GRIN2A: variants seen among roughly 807,000 people sequenced by gnomAD.
GRIN2A encodes the protein glutamate receptor ionotropic, NMDA 2A.
GRIN2A carries 22 observed loss-of-function variants against 113.4 expected under a neutral mutation model. The observed-to-expected ratio is 0.19, with a 90% CI of 0.14 to 0.28. GRIN2A has a LOEUF of 0.28. Among genes scored for constraint, GRIN2A ranks in the 10% least tolerant of loss-of-function variants. The pLI, the probability that GRIN2A is intolerant of heterozygous loss-of-function variation, is 1.00. For synonymous variants in GRIN2A, 827 were observed against 738.4 expected, an observed-to-expected ratio of 1.12 and a Z score of -1.94; for missense variants, 1,502 against 1,887.0, an observed-to-expected ratio of 0.80 and a Z score of 3.78.
intron 2 of GRIN2A, among the ~76,000 whole-genome samples, chr16:10,032,210 A>G (rs927469818): frequency 5.9e-5 from 9 of 152,256 alleles, no homozygotes; most frequent in Non-Finnish European, 8.8e-5. Context: ...ATAACTAAAG[A>G]GCTGTGACCT....
At chr16:10,098,411 T>C (rs2048334831) in intron 2 of GRIN2A, among the ~76,000 whole-genome samples, 1 of 152,172 alleles carries the variant, frequency 6.6e-6, no homozygotes, top group Non-Finnish European at 1.5e-5. Context: ...CTTAAATAAC[T>C]AAAAGGAGAA....
intron 2 of GRIN2A, among the ~76,000 whole-genome samples, chr16:10,086,389 C>T (rs1351736960): frequency 6.6e-6 from 1 of 152,066 alleles, no homozygotes; most frequent in East Asian, 1.9e-4. Context: ...TCTAGATCTT[C>T]TCACTTCCCC....
intron 4 of GRIN2A, among the ~76,000 whole-genome samples, chr16:9,874,984 G>A (rs1338739165): frequency 2.0e-5 from 3 of 151,676 alleles, no homozygotes; most frequent in Non-Finnish European, 4.4e-5. Flanking sequence ...GCTACTTGAG[G>A]GGCAGAGGCT....
At chr16:10,113,078 C>A (rs1001900038) in intron 2 of GRIN2A, among the ~76,000 whole-genome samples, 3 of 149,506 alleles carry the variant, frequency 2.0e-5, no homozygotes, top group Admixed American at 6.6e-5. Context: ...CGGGCCTGCT[C>A]CCTGGGCCAG....
intron 11 of GRIN2A, among the ~76,000 whole-genome samples, chr16:9,792,106 T>C (rs1184895280): frequency 1.6e-5 from 1 of 61,750 alleles, no homozygotes; most frequent in Non-Finnish European, 3.2e-5. Context: ...TGTGTGTGTG[T>C]GTATCTTTCA....
rs1339281920 is a variant in GRIN2A, at chr16:9,768,831, T to C, written c.2595+20A>G. ...TAAACCTGCTTGCAGTGCAAGAAAG[T>C]AGCCACCCGGTGTACTGACCCTGCT... On this transcript the variant is annotated intron_variant, in intron 12 of 12. Coordinates refer to ENST00000330684, the MANE Select transcript of GRIN2A (RefSeq NM_001134407.3). 1.3e-6 allele frequency: 2 copies of C among 1,557,872 alleles called. No homozygotes were observed. Among genetic ancestry groups the C allele is most frequent in the African/African-American group, 1.4e-5 (1 of 73,670 alleles).
chr16:9,779,280 G>C (rs976067747), intron 11 of GRIN2A, among the ~76,000 whole-genome samples: 1 of 152,222 alleles, frequency 6.6e-6, no homozygotes, highest in Non-Finnish European at 1.5e-5. Context: ...CCTATGCTGT[G>C]TTGCTCAGTT....
chr16:10,024,496 G>A (rs961661020), intron 2 of GRIN2A, among the ~76,000 whole-genome samples: 2 of 152,216 alleles, frequency 1.3e-5, no homozygotes, highest in Non-Finnish European at 2.9e-5. Context: ...GGAATTACAG[G>A]CGTGAGCCAA....
chr16:9,876,502 T>C (rs2043369052), intron 4 of GRIN2A, among the ~76,000 whole-genome samples: 1 of 152,170 alleles, frequency 6.6e-6, no homozygotes, highest in East Asian at 1.9e-4. Flanking sequence ...AGCGTTGGCC[T>C]CCTGGACCCA....
intron 2 of GRIN2A, among the ~76,000 whole-genome samples, chr16:10,062,319 A>G (rs963805075): frequency 1.7e-4 from 26 of 152,330 alleles, no homozygotes; most frequent in African/African-American, 6.3e-4. Flanking sequence ...CTGCATTCCA[A>G]TAAAAATTTA....
intron 2 of GRIN2A, among the ~76,000 whole-genome samples, chr16:10,098,942 C>A (rs4371154): frequency 0.83 from 119,917 of 144,420 alleles, 50,245 homozygotes; most frequent in Middle Eastern, 0.96. Context: ...CTCCCCCCCC[C>A]AAAAAAAACC....
chr16:9,828,883 G>T (rs574664139), intron 9 of GRIN2A, among the ~76,000 whole-genome samples: 1 of 152,308 alleles, frequency 6.6e-6, no homozygotes, highest in Non-Finnish European at 1.5e-5. Flanking sequence ...CCTTTTGTGT[G>T]CCTTGAAGAC....
Position 10,140,362 on chromosome 16 carries a change from C to A in GRIN2A, c.414+39636G>T, listed in dbSNP as rs193298468. Among the ~76,000 whole-genome samples the A allele has an allele frequency of 1.4e-3, 218 of 152,204 alleles. 1 individual carries two copies. The highest frequency in any genetic ancestry group is 5.1e-3 in the African/African-American group (212 of 41,524). The stretch of plus-strand genomic sequence containing the variant: ...GAGGAACTTCAGAAGAATTCAGGCC[C>A]AAATCTCTTTCAAAGATTTGGAAAC... On this transcript the variant is annotated intron_variant, in intron 2 of 12. Transcript: ENST00000330684.
intron 2 of GRIN2A, among the ~76,000 whole-genome samples, chr16:10,177,026 G>A (rs893207847): frequency 4.6e-5 from 7 of 152,090 alleles, no homozygotes; most frequent in African/African-American, 1.7e-4. Flanking sequence ...TTAACAGGAG[G>A]CAGAGGCCTT....
chr16:9,771,859 A>T (rs781191786), intron 11 of GRIN2A, among the ~76,000 whole-genome samples: 1 of 152,196 alleles, frequency 6.6e-6, no homozygotes, highest in Non-Finnish European at 1.5e-5. Context: ...TTGAACTCAC[A>T]TGCTCATTTG....
chr16:9,912,273 G>T (rs906693072), intron 3 of GRIN2A, among the ~76,000 whole-genome samples: 3 of 152,214 alleles, frequency 2.0e-5, no homozygotes, highest in Admixed American at 2.0e-4. Flanking sequence ...TGATAGCAAT[G>T]GTGGTAGTGA....
chr16:9,927,514 T>C (rs1002841609), intron 3 of GRIN2A, among the ~76,000 whole-genome samples: 9 of 152,212 alleles, frequency 5.9e-5, no homozygotes, highest in African/African-American at 2.2e-4. Context: ...CTTGATTATA[T>C]TGCACCTGAA....
At chr16:9,788,310 G>C (rs1212390866) in intron 11 of GRIN2A, among the ~76,000 whole-genome samples, 1 of 151,554 alleles carries the variant, frequency 6.6e-6, no homozygotes, top group African/African-American at 2.4e-5. Flanking sequence ...AGGCTGGAGT[G>C]CAGTGGTGTG....
At chr16:9,810,176 G>T (rs2141266447) in intron 10 of GRIN2A, among the ~76,000 whole-genome samples, 1 of 152,302 alleles carries the variant, frequency 6.6e-6, no homozygotes, top group East Asian at 1.9e-4. Flanking sequence ...ACCACCTGAT[G>T]GTGGGAGTTC....
Sources: gnomAD v4.1 joint callset for allele counts (sites outside exome capture counted in the v4.1 genomes callset) on GRCh38, gnomAD v4.1.1 for gene constraint, MANE v1.5 for transcripts, NCBI Gene and HGNC (gene_info 2026-07-23, HGNC 2026-07-21) for gene names.